Variants in USH2A observed in about 807,000 individuals in gnomAD.
USH2A encodes usherin.
A neutral mutation model predicts 538.9 loss-of-function variants in USH2A; 443 were observed. The observed-to-expected ratio is 0.82, with a 90% CI of 0.76 to 0.89. The LOEUF is 0.89. Among genes scored for constraint, USH2A ranks in the 40% least tolerant of loss-of-function variants. USH2A has a pLI of 0.00. For synonymous variants in USH2A, 2,413 were observed against 2,273.5 expected (o/e 1.06, Z -1.75); for missense variants, 6,633 against 6,324.8 (o/e 1.05, Z -1.65).
At position 216,145,577 on chromosome 1, in the gene USH2A, T is replaced by A. The variant is rs532989394; in HGVS notation, c.4627+29675A>T. On this transcript the variant is annotated intron_variant, in intron 21 of 71. Transcript: ENST00000307340. ...ACAGTTCAGAGTAGTCAAACAGCCATGGATTATATTCCCACAAGTCCTGTG... is the reference window on the plus strand; with the variant it reads ...ACAGTTCAGAGTAGTCAAACAGCCAAGGATTATATTCCCACAAGTCCTGTG... Among the ~76,000 whole-genome samples, 26 of 152,108 alleles carry A rather than the reference T, an allele frequency of 1.7e-4. 2 individuals carry two copies. The South Asian group carries it at 5.4e-3, about 32-fold the overall frequency.
At chr1:215,655,900 T>C (rs762249837) in intron 64 of USH2A, among the ~76,000 whole-genome samples, 1 of 152,018 alleles carries the variant, frequency 6.6e-6, no homozygotes, top group Non-Finnish European at 1.5e-5. Context: ...CACACCTGGC[T>C]AATTTTTTGT....
chr1:215,954,481 G>A (rs924446822), intron 37 of USH2A, among the ~76,000 whole-genome samples: 6 of 146,970 alleles, frequency 4.1e-5, no homozygotes, highest in East Asian at 2.0e-4. Flanking sequence ...ACCAAACACC[G>A]TATGTTCTCA....
intron 50 of USH2A, among the ~76,000 whole-genome samples, chr1:215,791,698 G>C (rs1470788803): frequency 6.6e-6 from 1 of 152,098 alleles, no homozygotes; most frequent in East Asian, 1.9e-4. Flanking sequence ...AACATTTCTA[G>C]GAAAAGTTAT....
intron 9 of USH2A, among the ~76,000 whole-genome samples, chr1:216,294,921 T>C (rs1477050374): frequency 6.6e-6 from 1 of 151,940 alleles, no homozygotes; most frequent in African/African-American, 2.4e-5. Flanking sequence ...TTTTATCAGA[T>C]ATTAGAATTT....
At chr1:215,795,983 A>T (rs1285017869) in intron 50 of USH2A, among the ~76,000 whole-genome samples, 1 of 149,776 alleles carries the variant, frequency 6.7e-6, no homozygotes, top group Non-Finnish European at 1.5e-5. Context: ...AATCTATAAC[A>T]TTCTAACATA....
chr1:215,951,083 T>C (rs1285122334), intron 37 of USH2A, among the ~76,000 whole-genome samples: 2 of 152,194 alleles, frequency 1.3e-5, no homozygotes, highest in Non-Finnish European at 2.9e-5. Flanking sequence ...AGTTATTTCT[T>C]GCCTTCTGCT....
chr1:215,866,687 G>T (rs1664478028), intron 44 of USH2A, among the ~76,000 whole-genome samples: 1 of 152,202 alleles, frequency 6.6e-6, no homozygotes, highest in African/African-American at 2.4e-5. Flanking sequence ...AAATTACGTT[G>T]TTCATGCAAA....
intron 9 of USH2A, among the ~76,000 whole-genome samples, chr1:216,311,985 T>C (rs1198782231): frequency 6.6e-6 from 1 of 152,174 alleles, no homozygotes; most frequent in Admixed American, 6.5e-5. Flanking sequence ...TTATTTATTC[T>C]TTCTCTAATG....
At chr1:216,315,324 T>A (rs960314951) in intron 9 of USH2A, among the ~76,000 whole-genome samples, 1 of 151,986 alleles carries the variant, frequency 6.6e-6, no homozygotes, top group Admixed American at 6.6e-5. Flanking sequence ...GGGGGTGAGG[T>A]GGGATTTAAA....
At chr1:215,967,263 G>T (rs1244073264) in intron 36 of USH2A, among the ~76,000 whole-genome samples, 4 of 152,204 alleles carry the variant, frequency 2.6e-5, no homozygotes, top group Non-Finnish European at 5.9e-5. Context: ...CCACTTCCCA[G>T]GTTCAAGCTA....
In USH2A at chr1:215,888,902, T is replaced by C. The variant is rs537902588; in HGVS notation, c.7747A>G (p.Thr2583Ala). 6.2e-7 allele frequency: 1 copy of C among 1,614,122 alleles called. No individual in the cohort carries two copies. Among genetic ancestry groups the C allele is most frequent in the African/African-American group, 1.3e-5 (1 of 75,036 alleles). Reference sequence around the variant, plus strand: ...TGTAAATGCATCACTGTGCAATTAGTGACATTTCCAGGAGTTCTCAAGTAT... The same window carrying C: ...TGTAAATGCATCACTGTGCAATTAGCGACATTTCCAGGAGTTCTCAAGTAT... Reference protein sequence around the residue: ...RLYLRTPGNVTNCTVMHLHPY... With the variant: ...RLYLRTPGNVANCTVMHLHPY... The change falls in exon 41 of 72, where the codon ACT becomes GCT. Residue 2583 changes from threonine to alanine, a missense_variant. By Grantham distance (58) the Thr-to-Ala change is moderately conservative. Transcript: ENST00000307340.
At chr1:215,640,844 C>CCAAATCCAAA in intron 67 of USH2A, 110 bp from the exon 68 acceptor site, 1 of 496,052 alleles carries the variant, frequency 2.0e-6, no homozygotes, top group Non-Finnish European at 3.1e-6. Flanking sequence ...CCAATCCAAA[C>CCAAATCCAAA]AAAAAAAAAA....
At chr1:215,692,050 C>G (rs1658631066) in intron 61 of USH2A, among the ~76,000 whole-genome samples, 1 of 152,140 alleles carries the variant, frequency 6.6e-6, no homozygotes, top group South Asian at 2.1e-4. Context: ...AGTGTGTTCT[C>G]CTTGAAACTG....
chr1:215,788,245 T>C (rs1444788964), intron 51 of USH2A, among the ~76,000 whole-genome samples: 4 of 152,190 alleles, frequency 2.6e-5, no homozygotes, highest in Non-Finnish European at 1.5e-5. Context: ...GTGATGTCCA[T>C]GTTTCCCTTT....
chr1:216,054,407 A>G (rs1300840952), intron 30 of USH2A, among the ~76,000 whole-genome samples: 1 of 144,302 alleles, frequency 6.9e-6, no homozygotes, highest in African/African-American at 2.9e-5. Context: ...TGGAGCTGAC[A>G]CCAGCTCTGC....
At chr1:216,212,173 G>A (rs1021029892) in intron 15 of USH2A, among the ~76,000 whole-genome samples, 5 of 152,034 alleles carry the variant, frequency 3.3e-5, no homozygotes, top group African/African-American at 1.2e-4. Context: ...AATATCCTTG[G>A]CAACAAAAGT....
chr1:215,996,072 G>A (rs915914815), intron 34 of USH2A, among the ~76,000 whole-genome samples: 20 of 151,998 alleles, frequency 1.3e-4, no homozygotes, highest in Admixed American at 4.6e-4. Flanking sequence ...CACCACACCC[G>A]GCTATTCTTT....
intron 3 of USH2A, among the ~76,000 whole-genome samples, chr1:216,401,611 A>G (rs1431179745): frequency 2.0e-5 from 3 of 152,102 alleles, no homozygotes; most frequent in Non-Finnish European, 4.4e-5. Flanking sequence ...TCAGAAAAAT[A>G]TATCTGCAAA....
chr1:216,321,599 A>G (rs560187888), intron 9 of USH2A, among the ~76,000 whole-genome samples: 2 of 152,192 alleles, frequency 1.3e-5, no homozygotes, highest in Non-Finnish European at 2.9e-5. Context: ...TTTATAAAAC[A>G]TGATAATGCT....
Sources: gnomAD v4.1 joint callset for allele counts (sites outside exome capture counted in the v4.1 genomes callset) on GRCh38, gnomAD v4.1.1 for gene constraint, MANE v1.5 for transcripts, NCBI Gene and HGNC (gene_info 2026-07-23, HGNC 2026-07-21) for gene names.